Variants in PHF6 observed in about 807,000 individuals in gnomAD.
PHF6 encodes PHD finger protein 6, also known as PHD-like zinc finger protein.
Under a neutral mutation model 34.0 loss-of-function variants are expected in PHF6, and 7 were observed. That is an observed-to-expected ratio of 0.21 (90% CI 0.12 to 0.39). The LOEUF (loss-of-function observed/expected upper bound fraction) is 0.39. Ranked by LOEUF, PHF6 falls within the 10% of genes least tolerant of loss-of-function variation. The pLI, the probability that PHF6 is intolerant of heterozygous loss-of-function variation, is 1.00. For synonymous variants in PHF6, 89 were observed against 88.4 expected (o/e 1.01, Z -0.04); for missense variants, 128 against 262.8 (o/e 0.49, Z 3.55).
At chrX:134,384,806 C>T (rs759561252) in intron 3 of PHF6, among the ~76,000 whole-genome samples, 6 of 110,357 alleles carry the variant, frequency 5.4e-5, no homozygotes, top group South Asian at 3.9e-4. Flanking sequence ...CGCCCACCAC[C>T]GCTCCTGGCT....
intron 5 of PHF6, among the ~76,000 whole-genome samples, chrX:134,397,107 C>T (rs2077380655): frequency 9.5e-6 from 1 of 105,663 alleles, no homozygotes; most frequent in African/African-American, 3.5e-5. Context: ...CATAATATAG[C>T]AATTCAATTT....
At chrX:134,396,732 A>T (rs889085872) in intron 5 of PHF6, among the ~76,000 whole-genome samples, 4 of 111,063 alleles carry the variant, frequency 3.6e-5, no homozygotes, top group African/African-American at 1.3e-4. Flanking sequence ...TCTAGCTCAA[A>T]TTTAGTTGAT....
chrX:134,423,379 A>T (rs1035981457), intron 9 of PHF6, among the ~76,000 whole-genome samples: 5 of 111,792 alleles, frequency 4.5e-5, no homozygotes, highest in Non-Finnish European at 9.4e-5. Context: ...TTGCCATTTC[A>T]TGATGCCATT....
intron 8 of PHF6, among the ~76,000 whole-genome samples, chrX:134,416,883 A>T (rs1292277089): frequency 8.9e-6 from 1 of 111,916 alleles, no homozygotes; most frequent in East Asian, 2.8e-4. Context: ...GATATACAAC[A>T]TCATTCTTTT....
chrX:134,415,001 A>G lies in PHF6; in HGVS notation c.730-15A>G, dbSNP rs2077467078. 2 of 1,194,926 alleles carry G rather than the reference A, an allele frequency of 1.7e-6. No individual in the cohort carries two copies. Among genetic ancestry groups the G allele is most frequent in the African/African-American group, 3.5e-5 (2 of 57,471 alleles). ...GGATTCTGAATGTTAATTTTCCTGC[A>G]TTTTTCTTCTCTAGTTGTTTTCTTC... On this transcript the variant is annotated splice_polypyrimidine_tract_variant and intron_variant, in intron 7 of 10. Transcript: ENST00000370803.
At chrX:134,417,547 C>T in intron 9 of PHF6, 2 of 322,494 alleles carry the variant, frequency 6.2e-6, no homozygotes, top group South Asian at 4.3e-5. Context: ...TGAAGCTGGG[C>T]ATATGCCAGT....
chrX:134,393,740 G>A, intron 4 of PHF6, 106 bp downstream of exon 4: 1 of 850,628 alleles, frequency 1.2e-6, no homozygotes, highest in Non-Finnish European at 1.7e-6. Flanking sequence ...CATCATAAAG[G>A]GTGTTTTTGA....
Position 134,420,529 on chromosome X carries a change from C to T in PHF6, c.968+3227C>T, listed in dbSNP as rs759151782. Among the ~76,000 whole-genome samples the T allele has an allele frequency of 7.3e-5, 8 of 109,293 alleles. No individual in the cohort carries two copies. In the South Asian group the frequency reaches 3.2e-3, roughly 44 times the overall value. The allele number at this position is 109,293 out of a possible 115,157, so 94.9% of individuals were successfully genotyped here. A position where few individuals can be genotyped will look rare whatever the true frequency, so the allele number is the denominator to read the frequency against. ...TAAAGGAAAACCGCCTGCCATACCC[C>T]GCCAAACACACATACACTAAAGATG... is the stretch of plus-strand genomic sequence containing the variant. On this transcript the variant is annotated intron_variant, in intron 9 of 10. Transcript: ENST00000370803.
At chrX:134,407,870 A>C (rs1398848941) in intron 5 of PHF6, among the ~76,000 whole-genome samples, 1 of 111,288 alleles carries the variant, frequency 9.0e-6, no homozygotes, top group Non-Finnish European at 1.9e-5. Context: ...GGTTAGGGAG[A>C]CTGAGGAGCC....
rs779744774 is a variant in PHF6, at chrX:134,423,720, T to C, written c.969-1481T>C. Among the ~76,000 whole-genome samples the C allele has an allele frequency of 7.1e-5, 8 of 112,054 alleles. No homozygotes were observed. The East Asian group carries it at 2.2e-3, about 31-fold the overall frequency. ...TGAACCCCACCCCTGCCTTTTATTC[T>C]ACTCAAATATTAGACCTAGTTTAGA... is the stretch of plus-strand genomic sequence containing the variant. On this transcript the variant is annotated intron_variant, in intron 9 of 10. Transcript: ENST00000370803.
At position 134,413,986 on chromosome X, in the gene PHF6, G is replaced by C; in HGVS notation, c.729+20G>C. The C allele has an allele frequency of 8.3e-7, 1 of 1,203,903 alleles. No homozygotes were observed. Among genetic ancestry groups the C allele is most frequent in the Non-Finnish European group, 1.1e-6 (1 of 889,366 alleles). Reference sequence around the variant, plus strand: ...TGCATGGTAAGCATGGTTCTTTTAAGCCCAATTTTGTTTTTTTGTTGTTTG... The same window carrying C: ...TGCATGGTAAGCATGGTTCTTTTAACCCCAATTTTGTTTTTTTGTTGTTTG... On this transcript the variant is annotated intron_variant, in intron 7 of 10. Transcript: ENST00000370803.
intron 5 of PHF6, among the ~76,000 whole-genome samples, chrX:134,409,930 A>T (rs185668893): frequency 2.1e-3 from 229 of 111,288 alleles, no homozygotes; most frequent in African/African-American, 6.8e-3. Context: ...TGTTCCTGCC[A>T]TATCCTTATT....
At chrX:134,409,078 C>T (rs978535539) in intron 5 of PHF6, among the ~76,000 whole-genome samples, 1 of 111,959 alleles carries the variant, frequency 8.9e-6, no homozygotes, top group African/African-American at 3.2e-5. Flanking sequence ...AATTTTTAGT[C>T]AAATATCCCA....
At chrX:134,385,579 T>C (rs1045463659) in intron 3 of PHF6, among the ~76,000 whole-genome samples, 8 of 112,028 alleles carry the variant, frequency 7.1e-5, no homozygotes, top group African/African-American at 2.6e-4. Flanking sequence ...TGGATAATAG[T>C]GTGAAGCCTT....
chrX:134,402,953 G>A (rs1275230346), intron 5 of PHF6, among the ~76,000 whole-genome samples: 1 of 111,967 alleles, frequency 8.9e-6, no homozygotes, highest in African/African-American at 3.2e-5. Context: ...AATGTGGTGT[G>A]TGTTCTGGCT....
In PHF6 at chrX:134,393,574, A is replaced by G. The variant is rs185742554; in HGVS notation, c.314A>G (p.Tyr105Cys). ...DVKTCHRTYHYHCALHDKAQI... is the reference protein window; with the variant it reads ...DVKTCHRTYHCHCALHDKAQI... ...AAAACATGTCACAGGACATACCACT[A>G]CCACTGTGCATTGCATGATAAAGCT... The change falls in exon 4 of 11, where the codon TAC (tyrosine) becomes TGC (cysteine). Residue 105 changes from tyrosine (Y) to cysteine (C), a missense_variant. By Grantham distance (194) the Tyr-to-Cys change is radical. This residue lies in a region of PHF6 where 97 missense variants were observed against 152.9 expected (regional missense o/e 0.63). Coordinates refer to ENST00000370803, the MANE Select transcript of PHF6 (RefSeq NM_001015877.2). 1 of 1,205,109 alleles carries G rather than the reference A, an allele frequency of 8.3e-7. No homozygotes were observed. Among genetic ancestry groups the G allele is most frequent in the African/African-American group, 1.7e-5 (1 of 57,304 alleles).
chrX:134,383,441 T>G (rs774049947), intron 3 of PHF6, among the ~76,000 whole-genome samples: 11 of 110,981 alleles, frequency 9.9e-5, no homozygotes, highest in Non-Finnish European at 1.9e-4. Flanking sequence ...ATTTGAGTTT[T>G]TTTTTATTAT....
chrX:134,425,099 A>AGTG, intron 9 of PHF6, 102 bp from the exon 10 acceptor site: 1 of 1,008,515 alleles, frequency 9.9e-7, no homozygotes, highest in Non-Finnish European at 1.4e-6. Context: ...GGATGAGGAA[A>AGTG]CCCATGTTTT....
intron 3 of PHF6, among the ~76,000 whole-genome samples, chrX:134,385,196 C>T (rs1445746424): frequency 9.0e-6 from 1 of 111,308 alleles, no homozygotes; most frequent in Non-Finnish European, 1.9e-5. Context: ...TTCCAAGCAT[C>T]CTGTCTCTGT....
Sources: allele counts gnomAD v4.1 joint callset (sites outside exome capture counted in the v4.1 genomes callset), GRCh38; gene constraint gnomAD v4.1.1; regional missense constraint gnomAD v4.1.1; transcripts MANE v1.5; gene names NCBI Gene and HGNC (gene_info 2026-07-23, HGNC 2026-07-21).